C2orf69: variants seen among roughly 807,000 people sequenced by gnomAD.
C2orf69 encodes mitochondrial protein C2orf69.
Under a neutral mutation model 29.5 loss-of-function variants are expected in C2orf69, and 19 were observed. The observed-to-expected ratio is 0.65, with a 90% CI of 0.45 to 0.95. The LOEUF is 0.95. C2orf69 is among the 40% of genes least tolerant of loss of function. The pLI is 0.00. For synonymous variants in C2orf69, 194 were observed against 180.0 expected (o/e 1.08, Z -0.62); for missense variants, 416 against 482.1 (o/e 0.86, Z 1.28).
At chr2:199,917,192 C>G (rs979671704) in intron 1 of C2orf69, among the ~76,000 whole-genome samples, 26 of 152,222 alleles carry the variant, frequency 1.7e-4, no homozygotes, top group African/African-American at 6.0e-4. Flanking sequence ...TTCAAGACTG[C>G]ACAAAGCAGC....
intron 1 of C2orf69, among the ~76,000 whole-genome samples, chr2:199,917,034 G>T (rs948351166): frequency 6.6e-6 from 1 of 152,196 alleles, no homozygotes; most frequent in African/African-American, 2.4e-5. Flanking sequence ...CTAGGCAGAG[G>T]TTCCCCAACC....
chr2:199,926,038 C>T lies in C2orf69; in HGVS notation c.*152C>T. ...ATTCCTAAAATGTGAGTGTAATGTG[C>T]AATAGTATTTTTTGCTTGTGAATGT... On this transcript the variant is annotated 3_prime_UTR_variant, in exon 2 of 2. Transcript: ENST00000319974. The T allele has an allele frequency of 1.7e-6, 1 of 575,146 alleles. No individual in the cohort carries two copies. Among genetic ancestry groups the T allele is most frequent in the Non-Finnish European group, 3.1e-6 (1 of 326,016 alleles). The allele number at this position is 575,146 out of a possible 1,614,324, so 35.6% of individuals were successfully genotyped here. A position where few individuals can be genotyped will look rare whatever the true frequency, so the allele number is the denominator to read the frequency against.
At position 199,911,545 on chromosome 2, in the gene C2orf69, G is replaced by A. The variant is rs540650009; in HGVS notation, c.107G>A (p.Gly36Asp). 1 of 1,549,604 alleles carries A rather than the reference G, an allele frequency of 6.5e-7. No homozygotes were observed. Among genetic ancestry groups the A allele is most frequent in the African/African-American group, 1.4e-5 (1 of 73,044 alleles). ...TCTCAGGCCAGAACCATGAACCCGG[G>A]CGGCAGCGGCGGCGCGCGATGCTCC... ...SCSQARTMNPGGSGGARCSLS... is the reference protein window; with the variant it reads ...SCSQARTMNPDGSGGARCSLS... The change falls in exon 1 of 2, where the codon GGC becomes GAC. Residue 36 changes from glycine to aspartate, a missense_variant. Transcript: ENST00000319974.
Position 199,925,070 on chromosome 2 carries a change from T to A in C2orf69, c.342T>A (p.His114Gln), listed in dbSNP as rs1413166150. 2 of 1,586,296 alleles carry A rather than the reference T, an allele frequency of 1.3e-6. No homozygotes were observed. The highest frequency in any genetic ancestry group is 8.6e-7 in the Non-Finnish European group (1 of 1,156,520). ...TCTTTCTTACCTTTCAGAATTACCATGAAATTATGACTCGTCATCCTGAGA... is the reference window on the plus strand; with the variant it reads ...TCTTTCTTACCTTTCAGAATTACCAAGAAATTATGACTCGTCATCCTGAGA... The part of the protein sequence containing the change: ...LYFPGDVQNY[H>Q]EIMTRHPENY... The change falls in exon 2 of 2, where the codon CAT (histidine) becomes CAA (glutamine). Residue 114 changes from histidine to glutamine, a missense_variant. His to Gln is a conservative substitution (Grantham distance 24). Coordinates refer to ENST00000319974, the MANE Select transcript of C2orf69 (RefSeq NM_153689.6). The surrounding 1 kb of genome is among the most constrained non-coding windows in gnomAD (Gnocchi z 4.9).
Position 199,925,298 on chromosome 2 carries a change from AT to A in C2orf69, c.572del (p.Leu191Ter). The A allele has an allele frequency of 6.2e-7, 1 of 1,612,132 alleles. No homozygotes were observed. The highest frequency in any genetic ancestry group is 8.5e-7 in the Non-Finnish European group (1 of 1,179,118). On this transcript the variant is annotated frameshift_variant, in exon 2 of 2. Transcript: ENST00000319974. LOFTEE classifies it high-confidence loss of function. This position sits in a 1 kb window ranked among gnomAD's most constrained non-coding sequence, Gnocchi z 4.9. ...GAGCTTTTAAGCACCTTTATATGTT[AT>A]TAGTTAATGCTTTTAATTTAAGTCA... is the stretch of plus-strand genomic sequence containing the variant. ...FGAFKHLYML[L>X]VNAFNLSQNS...
chr2:199,913,066 T>C (rs1235421733), intron 1 of C2orf69, among the ~76,000 whole-genome samples: 1 of 146,442 alleles, frequency 6.8e-6, no homozygotes, highest in Non-Finnish European at 1.5e-5. Context: ...GATATATAGA[T>C]ATAGATATAG....
rs529157694 is a variant in C2orf69 at position 199,913,183 on chromosome 2, T to TA, written c.333+1412_333+1413insA. On this transcript the variant is annotated intron_variant, in intron 1 of 1. Coordinates refer to ENST00000319974, the MANE Select transcript of C2orf69 (RefSeq NM_153689.6). ...TTTTATATATATATTATATATAAAA[T>TA]TATATATATTATATATAATATATAA... 2.5e-4 allele frequency among the ~76,000 whole-genome samples: 27 copies of TA among 108,238 alleles called. 1 individual carries two copies. The highest frequency in any genetic ancestry group is 9.8e-4 in the African/African-American group (26 of 26,646). 71.0% of individuals were successfully genotyped at this position (108,238 alleles called of 152,430 possible). A position where few individuals can be genotyped will look rare whatever the true frequency, so the allele number is the denominator to read the frequency against.
Position 199,927,417 on chromosome 2 carries a change from C to G in C2orf69, c.*1531C>G, listed in dbSNP as rs2077340096. On this transcript the variant is annotated 3_prime_UTR_variant, in exon 2 of 2. Transcript: ENST00000319974. The stretch of plus-strand genomic sequence containing the variant: ...AAATGTTAATTTCTTGGTTTCTTCC[C>G]AGAATTATATTTTAATGACTCCATA... 6.6e-6 allele frequency: 1 copy of G among 151,640 alleles called. No individual in the cohort carries two copies. Among genetic ancestry groups the G allele is most frequent in the South Asian group, 2.1e-4 (1 of 4,826 alleles). The allele number at this position is 151,640 out of a possible 1,614,324, so 9.4% of individuals were successfully genotyped here.
Position 199,925,997 on chromosome 2 carries a change from A to G in C2orf69, c.*111A>G, listed in dbSNP as rs2077333802. The G allele has an allele frequency of 1.4e-6, 1 of 714,216 alleles. No individual in the cohort carries two copies. The highest frequency in any genetic ancestry group is 2.3e-6 in the Non-Finnish European group (1 of 439,416). 44.2% of individuals were successfully genotyped at this position (714,216 alleles called of 1,614,324 possible). On this transcript the variant is annotated 3_prime_UTR_variant, in exon 2 of 2. Coordinates refer to ENST00000319974, the MANE Select transcript of C2orf69 (RefSeq NM_153689.6). The surrounding 1 kb of genome is among the most constrained non-coding windows in gnomAD (Gnocchi z 4.9). ...ATAGCTGCATTGTCAGTTTTGGGGT[A>G]TGGGGGGAAGCACACATTCCTAAAA...
Position 199,913,232 on chromosome 2 carries a change from TA to T in C2orf69, c.333+1463del, listed in dbSNP as rs2077276964. Among the ~76,000 whole-genome samples the T allele has an allele frequency of 1.7e-4, 6 of 35,538 alleles. No individual in the cohort carries two copies. The South Asian group carries it at 5.5e-3, about 33-fold the overall frequency. The allele number at this position is 35,538 out of a possible 152,430, so 23.3% of individuals were successfully genotyped here. A position where few individuals can be genotyped will look rare whatever the true frequency, so the allele number is the denominator to read the frequency against. On this transcript the variant is annotated intron_variant, in intron 1 of 1. Coordinates refer to ENST00000319974, the MANE Select transcript of C2orf69 (RefSeq NM_153689.6). ...AATATATTATATATAATATATATTA[TA>T]ATATATATAATATATATTATATAAA... is the stretch of plus-strand genomic sequence containing the variant.
At chr2:199,920,458 T>G (rs532275699) in intron 1 of C2orf69, among the ~76,000 whole-genome samples, 2 of 152,254 alleles carry the variant, frequency 1.3e-5, no homozygotes, top group African/African-American at 4.8e-5. Context: ...AGGACTAAAC[T>G]GAGAGTCATA....
intron 1 of C2orf69, among the ~76,000 whole-genome samples, chr2:199,919,181 C>CG (rs2077304674): frequency 6.6e-6 from 1 of 152,130 alleles, no homozygotes; most frequent in Admixed American, 6.5e-5. Flanking sequence ...TCTCAAACCC[C>CG]GGGGGTTAAG....
In C2orf69 at chr2:199,926,616, A is replaced by C. The variant is rs1443307325; in HGVS notation, c.*730A>C. The C allele has an allele frequency of 6.6e-6, 1 of 152,330 alleles. No individual in the cohort carries two copies. Among genetic ancestry groups the C allele is most frequent in the Non-Finnish European group, 1.5e-5 (1 of 68,050 alleles). 9.4% of individuals were successfully genotyped at this position (152,330 alleles called of 1,614,324 possible). A position where few individuals can be genotyped will look rare whatever the true frequency, so the allele number is the denominator to read the frequency against. On this transcript the variant is annotated 3_prime_UTR_variant, in exon 2 of 2. Coordinates refer to ENST00000319974, the MANE Select transcript of C2orf69 (RefSeq NM_153689.6). The stretch of plus-strand genomic sequence containing the variant: ...TGTTTGTGACTAGCTACTGCACTCC[A>C]ACCTGGGCAACATAGTGGGACTTCA...
Position 199,922,031 on chromosome 2 carries a change from T to TATATATATATATATATATATATATA in C2orf69, c.334-3031_334-3030insATATATATATATATATATATATATA, listed in dbSNP as rs1553566021. ...TTCCCCAAGGCTGCCACTGTTATTT[T>TATATATATATATATATATATATATA]TATATATATATATATATATATATGC... is the stretch of plus-strand genomic sequence containing the variant. On this transcript the variant is annotated intron_variant, in intron 1 of 1. Transcript: ENST00000319974. Among the ~76,000 whole-genome samples, 19 of 78,956 alleles carry TATATATATATATATATATATATATA rather than the reference T, an allele frequency of 2.4e-4. No individual in the cohort carries two copies. The East Asian group carries it at 2.9e-3, about 12-fold the overall frequency. The allele number at this position is 78,956 out of a possible 152,430, so 51.8% of individuals were successfully genotyped here. A position where few individuals can be genotyped will look rare whatever the true frequency, so the allele number is the denominator to read the frequency against.
At chr2:199,922,974 C>T (rs185504530) in intron 1 of C2orf69, among the ~76,000 whole-genome samples, 4 of 152,328 alleles carry the variant, frequency 2.6e-5, no homozygotes, top group South Asian at 2.1e-4. Flanking sequence ...TCTCTGCCCC[C>T]CTTTGTGATC....
At position 199,927,230 on chromosome 2, in the gene C2orf69, G is replaced by A. The variant is rs536286247; in HGVS notation, c.*1344G>A. 6.6e-6 allele frequency: 1 copy of A among 150,790 alleles called. No homozygotes were observed. The highest frequency in any genetic ancestry group is 6.6e-5 in the Admixed American group (1 of 15,114). The allele number at this position is 150,790 out of a possible 1,614,324, so 9.3% of individuals were successfully genotyped here. On this transcript the variant is annotated 3_prime_UTR_variant, in exon 2 of 2. Coordinates refer to ENST00000319974, the MANE Select transcript of C2orf69 (RefSeq NM_153689.6). Reference sequence around the variant, plus strand: ...TGTAATTGGGTGATTACAATAAAAGGTGAGCAGTTTGTTGTTTATTAATAA... The same window carrying A: ...TGTAATTGGGTGATTACAATAAAAGATGAGCAGTTTGTTGTTTATTAATAA...
chr2:199,911,631 C>T lies in C2orf69; in HGVS notation c.193C>T (p.Pro65Ser), dbSNP rs747576112. 7.1e-6 allele frequency: 11 copies of T among 1,549,306 alleles called. No homozygotes were observed. The African/African-American group carries it at 8.2e-5, about 12-fold the overall frequency. The change falls in exon 1 of 2, where the codon CCG becomes TCG. Residue 65 changes from proline to serine, a missense_variant. Pro to Ser is a moderately conservative substitution (Grantham distance 74, BLOSUM62 -1). This residue lies in a region of C2orf69 where 175 missense variants were observed against 139.9 expected (regional missense o/e 1.25). Transcript: ENST00000319974. ...GCTTTCCACCGTGCCTGGAGCCGATCCGCAGCGCAGCAACGAATTGCTCCT... is the reference window on the plus strand; with the variant it reads ...GCTTTCCACCGTGCCTGGAGCCGATTCGCAGCGCAGCAACGAATTGCTCCT... ...LQLSTVPGAD[P>S]QRSNELLLLA...
chr2:199,917,738 C>A (rs2077298872), intron 1 of C2orf69, among the ~76,000 whole-genome samples: 1 of 152,318 alleles, frequency 6.6e-6, no homozygotes, highest in East Asian at 1.9e-4. Context: ...ACAGACTGTT[C>A]CAACCTCTGC....
At chr2:199,912,063 A>G (rs939241110) in intron 1 of C2orf69, among the ~76,000 whole-genome samples, 6 of 152,210 alleles carry the variant, frequency 3.9e-5, no homozygotes, top group Non-Finnish European at 7.3e-5. Context: ...ACAGGGAGTG[A>G]CACGCATCTT....
Sources: allele counts gnomAD v4.1 joint callset (sites outside exome capture counted in the v4.1 genomes callset), GRCh38; gene constraint gnomAD v4.1.1; regional missense constraint gnomAD v4.1.1; non-coding constraint Gnocchi (gnomAD v3.1); transcripts MANE v1.5; gene names NCBI Gene and HGNC (gene_info 2026-07-23, HGNC 2026-07-21).